MTNR1B: variants seen among roughly 807,000 people sequenced by gnomAD.
The protein encoded by MTNR1B is melatonin receptor 1B.
MTNR1B carries 7 observed loss-of-function variants against 7.0 expected under a neutral mutation model. That is an observed-to-expected ratio of 1.00 (90% CI 0.57 to 1.88). MTNR1B has a LOEUF of 1.88. MTNR1B is among the 40% of genes most tolerant of loss of function. The pLI is 0.00. For missense variants in MTNR1B, 478 were observed against 486.5 expected (o/e 0.98, Z 0.16); for synonymous variants, 226 against 208.2 (o/e 1.09, Z -0.74).
chr11:92,982,124 A>T lies in MTNR1B; in HGVS notation c.901A>T (p.Ser301Cys). The change falls in exon 2 of 2, where the codon AGC (serine) becomes TGC (cysteine). Residue 301 changes from serine (S) to cysteine (C), a missense_variant. Transcript: ENST00000257068. ...TAGCTACTTACTGGCTTATTTCAACAGCTGCCTGAATGCCATTGTCTATGG... is the reference window on the plus strand; with the variant it reads ...TAGCTACTTACTGGCTTATTTCAACTGCTGCCTGAATGCCATTGTCTATGG... Reference protein sequence around the residue: ...VTSYLLAYFNSCLNAIVYGLL... With the variant: ...VTSYLLAYFNCCLNAIVYGLL... The T allele has an allele frequency of 6.2e-7, 1 of 1,614,220 alleles. No individual in the cohort carries two copies. The highest frequency in any genetic ancestry group is 8.5e-7 in the Non-Finnish European group (1 of 1,180,052).
At chr11:92,982,947 C>CACACACA (rs1554991419), downstream of MTNR1B, among the ~76,000 whole-genome samples, 9 of 66,322 alleles carry the variant, frequency 1.4e-4, no homozygotes, top group African/African-American at 5.1e-4. Flanking sequence ...CCCCCCCCCC[C>CACACACA]CACACACACA....
chr11:92,973,225 A>G (rs975337977), intron 1 of MTNR1B, among the ~76,000 whole-genome samples: 30 of 151,872 alleles, frequency 2.0e-4, no homozygotes, highest in Non-Finnish European at 3.2e-4. Flanking sequence ...TAATGATTTT[A>G]CCTTCCACTA....
rs115046392 is a variant in MTNR1B at position 92,972,527 on chromosome 11, A to G, written c.223+2579A>G. 8.2e-4 allele frequency: 376 copies of G among 456,188 alleles called. 1 individual carries two copies. The highest frequency in any genetic ancestry group is 6.0e-3 in the African/African-American group (301 of 50,144). 28.3% of individuals were successfully genotyped at this position (456,188 alleles called of 1,614,324 possible). A position where few individuals can be genotyped will look rare whatever the true frequency, so the allele number is the denominator to read the frequency against. ...TGACTTCAGAGATAGCACCAGAGAA[A>G]GGCAGACAGGGAGGAGTGGAGGCAA... On this transcript the variant is annotated intron_variant, in intron 1 of 1. Transcript: ENST00000257068.
At chr11:92,974,475 T>G (rs1476294438) in intron 1 of MTNR1B, among the ~76,000 whole-genome samples, 1 of 152,130 alleles carries the variant, frequency 6.6e-6, no homozygotes, top group Non-Finnish European at 1.5e-5. Context: ...TGTTGTTGTT[T>G]TTTGTGAGAC....
intron 1 of MTNR1B, among the ~76,000 whole-genome samples, chr11:92,971,532 G>A (rs1425135450): frequency 6.6e-6 from 1 of 152,134 alleles, no homozygotes; most frequent in African/African-American, 2.4e-5. Context: ...TTCATTTCCA[G>A]CACAGGGAAG....
chr11:92,981,730 G>T lies in MTNR1B; in HGVS notation c.507G>T (p.Val169=). The change falls in exon 2 of 2, where the codon GTG becomes GTT. Residue 169 remains valine, a synonymous_variant. Coordinates refer to ENST00000257068, the MANE Select transcript of MTNR1B (RefSeq NM_005959.5). The part of the protein sequence containing the change: ...LHICLIWLLT[V]VALLPNFFVG... ...TCTGCCTCATCTGGCTCCTCACCGT[G>T]GTGGCCTTGCTGCCCAACTTCTTTG... is the stretch of plus-strand genomic sequence containing the variant. 6.2e-7 allele frequency: 1 copy of T among 1,614,206 alleles called. No individual in the cohort carries two copies. The highest frequency in any genetic ancestry group is 2.2e-5 in the East Asian group (1 of 44,888).
intron 1 of MTNR1B, among the ~76,000 whole-genome samples, chr11:92,971,085 G>C (rs983868567): frequency 6.6e-6 from 1 of 151,890 alleles, no homozygotes; most frequent in Non-Finnish European, 1.5e-5. Flanking sequence ...TCAGCCTCCC[G>C]AGTAGCTGGG....
At position 92,981,500 on chromosome 11, in the gene MTNR1B, C is replaced by A. The variant is rs1343067532; in HGVS notation, c.277C>A (p.Pro93Thr). The A allele has an allele frequency of 1.9e-6, 3 of 1,613,994 alleles. No individual in the cohort carries two copies. The highest frequency in any genetic ancestry group is 2.5e-6 in the Non-Finnish European group (3 of 1,180,040). ...GGCTGACCTGGTGGTGGCCTTCTAC[C>A]CCTACCCGCTAATCCTCGTGGCCAT... ...ALADLVVAFY[P>T]YPLILVAIFY... Residue 93 changes from proline to threonine, a missense_variant, in exon 2 of 2, where the codon CCC becomes ACC. By Grantham distance (38) the Pro-to-Thr change is conservative. Coordinates refer to ENST00000257068, the MANE Select transcript of MTNR1B (RefSeq NM_005959.5).
intron 1 of MTNR1B, among the ~76,000 whole-genome samples, chr11:92,980,049 T>C (rs1489716486): frequency 6.6e-6 from 1 of 152,134 alleles, no homozygotes; most frequent in Non-Finnish European, 1.5e-5. Context: ...TTGCTGTGCT[T>C]TGGGGGCTCT....
Position 92,982,112 on chromosome 11 carries a change from G to T in MTNR1B, c.889G>T (p.Ala297Ser). ...EGLFVTSYLL[A>S]YFNSCLNAIV... Reference sequence around the variant, plus strand: ...GCTATTTGTCACTAGCTACTTACTGGCTTATTTCAACAGCTGCCTGAATGC... The same window carrying T: ...GCTATTTGTCACTAGCTACTTACTGTCTTATTTCAACAGCTGCCTGAATGC... Residue 297 changes from alanine to serine, a missense_variant, in exon 2 of 2, where the codon GCT becomes TCT. By Grantham distance (99) the Ala-to-Ser change is moderately conservative (BLOSUM62 1). Coordinates refer to ENST00000257068, the MANE Select transcript of MTNR1B (RefSeq NM_005959.5). 6.2e-7 allele frequency: 1 copy of T among 1,614,188 alleles called. No homozygotes were observed. The highest frequency in any genetic ancestry group is 8.5e-7 in the Non-Finnish European group (1 of 1,180,044).
At chr11:92,970,081 T>G in intron 1 of MTNR1B, 133 bp downstream of exon 1, 3 of 1,215,444 alleles carry the variant, frequency 2.5e-6, no homozygotes, top group East Asian at 3.1e-5. Context: ...CTCTAACCTA[T>G]TCCTTAAGTT....
At chr11:92,977,973 G>C (rs775210020) in intron 1 of MTNR1B, among the ~76,000 whole-genome samples, 17 of 152,294 alleles carry the variant, frequency 1.1e-4, no homozygotes, top group Middle Eastern at 3.4e-3. Flanking sequence ...ACTTTATAAG[G>C]GGAGGTAGCC....
chr11:92,976,865 T>C (rs899648960), intron 1 of MTNR1B, among the ~76,000 whole-genome samples: 1 of 152,224 alleles, frequency 6.6e-6, no homozygotes, highest in Non-Finnish European at 1.5e-5. Context: ...ACAAACTGGG[T>C]GTCTGTTTCT....
At chr11:92,983,152 CT>C (rs1273774060), downstream of MTNR1B, among the ~76,000 whole-genome samples, 1 of 152,156 alleles carries the variant, frequency 6.6e-6, no homozygotes, top group African/African-American at 2.4e-5. Flanking sequence ...GATAACACAT[CT>C]GCAGAGCTGA....
At chr11:92,979,506 A>C (rs1275025246) in intron 1 of MTNR1B, among the ~76,000 whole-genome samples, 1 of 152,256 alleles carries the variant, frequency 6.6e-6, no homozygotes, top group East Asian at 1.9e-4. Flanking sequence ...ATCTGTGAAT[A>C]GTAGAGTAGG....
intron 1 of MTNR1B, among the ~76,000 whole-genome samples, chr11:92,979,714 C>T (rs912397912): frequency 6.6e-6 from 1 of 152,186 alleles, no homozygotes; most frequent in Non-Finnish European, 1.5e-5. Flanking sequence ...GTCTTGAGAA[C>T]TCCCAGGACT....
intron 1 of MTNR1B, among the ~76,000 whole-genome samples, chr11:92,970,601 G>A (rs1008889802): frequency 5.9e-5 from 9 of 152,138 alleles, no homozygotes; most frequent in African/African-American, 2.2e-4. Flanking sequence ...GCAATGATTT[G>A]GCTAAATCGT....
At chr11:92,976,471 T>G (rs1057175298) in intron 1 of MTNR1B, among the ~76,000 whole-genome samples, 2 of 152,232 alleles carry the variant, frequency 1.3e-5, no homozygotes, top group African/African-American at 4.8e-5. Flanking sequence ...ATATTACTAG[T>G]GCTTGTTATA....
chr11:92,970,042 T>C, intron 1 of MTNR1B, 94 bp downstream of exon 1: 1 of 1,354,962 alleles, frequency 7.4e-7, no homozygotes, highest in Non-Finnish European at 9.6e-7. Context: ...GCCTTTTCCC[T>C]CCTCAGCCCG....
Sources: allele counts gnomAD v4.1 joint callset (sites outside exome capture counted in the v4.1 genomes callset), GRCh38; gene constraint gnomAD v4.1.1; transcripts MANE v1.5; gene names NCBI Gene and HGNC (gene_info 2026-07-23, HGNC 2026-07-21).